Variants in FRMD6 observed in about 807,000 individuals in gnomAD.
FRMD6 encodes FERM domain-containing protein 6.
FRMD6 carries 37 observed loss-of-function variants against 73.2 expected under a neutral mutation model. That is an observed-to-expected ratio of 0.51 (90% CI 0.39 to 0.66). FRMD6 has a LOEUF of 0.66. Among genes scored for constraint, FRMD6 ranks in the 30% least tolerant of loss-of-function variants. The pLI is 0.00. For missense variants in FRMD6, 714 were observed against 780.5 expected, an observed-to-expected ratio of 0.91 and a Z score of 1.02; for synonymous variants, 273 against 282.2, an observed-to-expected ratio of 0.97 and a Z score of 0.33.
Position 51,710,629 on chromosome 14 carries a change from C to T in FRMD6, c.715-902C>T, listed in dbSNP as rs920023642. Among the ~76,000 whole-genome samples, 4 of 152,084 alleles carry T rather than the reference C, an allele frequency of 2.6e-5. No individual in the cohort carries two copies. In the East Asian group the frequency reaches 7.7e-4, roughly 29 times the overall value. ...TTATATTTATAATGCCAGGTGAGGA[C>T]ACATGTTTTAAAAATATTTCATCCC... On this transcript the variant is annotated intron_variant, in intron 7 of 13. Transcript: ENST00000344768.
chr14:51,536,624 C>A (rs911929593), intron 1 of FRMD6, among the ~76,000 whole-genome samples: 1 of 151,988 alleles, frequency 6.6e-6, no homozygotes, highest in Non-Finnish European at 1.5e-5. Flanking sequence ...ACCATGTTGG[C>A]CAGGCTGGTC....
At chr14:51,582,560 G>C (rs528936947) in intron 2 of FRMD6, among the ~76,000 whole-genome samples, 4 of 152,300 alleles carry the variant, frequency 2.6e-5, no homozygotes, top group African/African-American at 9.6e-5. Context: ...TGCTGCTGCA[G>C]TATGCACTTA....
upstream of FRMD6, among the ~76,000 whole-genome samples, chr14:51,486,406 G>A (rs1192712835): frequency 6.6e-6 from 1 of 152,178 alleles, no homozygotes; most frequent in Non-Finnish European, 1.5e-5. Context: ...AGCATTAGCA[G>A]TATGCAGTAT....
the FRMD6 span, among the ~76,000 whole-genome samples, chr14:51,421,267 T>C: frequency 6.6e-6 from 1 of 152,200 alleles, no homozygotes; most frequent in Non-Finnish European, 1.5e-5. Context: ...AAAACAGGGT[T>C]CAGGAATCTG....
At position 51,721,753 on chromosome 14, in the gene FRMD6, A is replaced by AGGAAGGAGGGAAGGAG. The variant is rs149590944; in HGVS notation, c.1361-187_1361-172dup. Among the ~76,000 whole-genome samples the AGGAAGGAGGGAAGGAG allele has an allele frequency of 1.1e-3, 125 of 108,764 alleles. 5 individuals are homozygous for AGGAAGGAGGGAAGGAG. Among genetic ancestry groups the AGGAAGGAGGGAAGGAG allele is most frequent in the African/African-American group, 3.8e-3 (110 of 28,762 alleles). The allele number at this position is 108,764 out of a possible 152,430, so 71.4% of individuals were successfully genotyped here. A position where few individuals can be genotyped will look rare whatever the true frequency, so the allele number is the denominator to read the frequency against. ...AAGGGAGGGAGGAAGGAAGGGAGGA[A>AGGAAGGAGGGAAGGAG]GGAAGGAGGGAAGGAGGGAAGGAGT... On this transcript the variant is annotated intron_variant, in intron 11 of 13. Coordinates refer to ENST00000344768, the MANE Select transcript of FRMD6 (RefSeq NM_001267046.2).
At chr14:51,418,165 A>G in the FRMD6 span, among the ~76,000 whole-genome samples, 2 of 152,188 alleles carry the variant, frequency 1.3e-5, no homozygotes, top group African/African-American at 4.8e-5. Flanking sequence ...CAGCTTGTCA[A>G]AATCATTCTC....
chr14:51,416,061 TG>T, the FRMD6 span, among the ~76,000 whole-genome samples: 1 of 152,222 alleles, frequency 6.6e-6, no homozygotes, highest in Non-Finnish European at 1.5e-5. Flanking sequence ...TTACTAGTCT[TG>T]CTAGTAATCT....
At chr14:51,397,759 G>A in the FRMD6 span, among the ~76,000 whole-genome samples, 13,907 of 152,000 alleles carry the variant, frequency 0.091, 669 homozygotes, top group Middle Eastern at 0.12. Context: ...GATGAGTTGC[G>A]GTCAAAACAC....
chr14:51,700,846 A>G (rs1896263754), intron 3 of FRMD6, among the ~76,000 whole-genome samples: 1 of 151,936 alleles, frequency 6.6e-6, no homozygotes, highest in African/African-American at 2.4e-5. Flanking sequence ...TGTGTTCTGT[A>G]TTGCAAAAGC....
chr14:51,423,734 T>A, the FRMD6 span, among the ~76,000 whole-genome samples: 1 of 152,194 alleles, frequency 6.6e-6, no homozygotes, highest in Non-Finnish European at 1.5e-5. Context: ...TTCTTTTGTA[T>A]CAGCAGAATT....
At chr14:51,701,307 G>A (rs959598422) in intron 4 of FRMD6, 148 bp downstream of exon 4, 6 of 311,094 alleles carry the variant, frequency 1.9e-5, no homozygotes, top group East Asian at 1.7e-4. Context: ...TATAGTATAT[G>A]TATAGTATAT....
chr14:51,623,880 A>G (rs991981197), intron 2 of FRMD6, among the ~76,000 whole-genome samples: 1 of 152,230 alleles, frequency 6.6e-6, no homozygotes, highest in African/African-American at 2.4e-5. Flanking sequence ...TGTCAATTAT[A>G]AGGCAAGAAC....
upstream of FRMD6, chr14:51,651,350 T>C: frequency 6.6e-6 from 1 of 152,072 alleles, no homozygotes; most frequent in Non-Finnish European, 1.5e-5. Flanking sequence ...CGAAGCCACC[T>C]CCGCCGGGGA....
At chr14:51,417,207 G>A in the FRMD6 span, among the ~76,000 whole-genome samples, 1 of 152,112 alleles carries the variant, frequency 6.6e-6, no homozygotes, top group African/African-American at 2.4e-5. Flanking sequence ...GATGTTAGCT[G>A]GTTATTTTGC....
chr14:51,648,690 G>T (rs1365554035), upstream of FRMD6, among the ~76,000 whole-genome samples: 2 of 152,130 alleles, frequency 1.3e-5, no homozygotes, highest in Non-Finnish European at 2.9e-5. Context: ...TAACTATGTT[G>T]TAACTGTTAA....
the FRMD6 span, among the ~76,000 whole-genome samples, chr14:51,428,471 G>C: frequency 6.6e-6 from 1 of 152,170 alleles, no homozygotes; most frequent in East Asian, 1.9e-4. Context: ...CCAGTCTCCA[G>C]GTTACAAGTC....
the FRMD6 span, among the ~76,000 whole-genome samples, chr14:51,451,095 T>C: frequency 6.6e-6 from 1 of 152,102 alleles, no homozygotes; most frequent in Admixed American, 6.5e-5. Flanking sequence ...GGAGATGAGA[T>C]AGAGATAGGA....
chr14:51,604,279 T>G (rs1890157970), intron 2 of FRMD6, among the ~76,000 whole-genome samples: 1 of 152,160 alleles, frequency 6.6e-6, no homozygotes, highest in South Asian at 2.1e-4. Context: ...GATTCCAAGA[T>G]GTGTAAGATA....
intron 2 of FRMD6, among the ~76,000 whole-genome samples, chr14:51,622,657 C>A (rs1448029986): frequency 1.3e-5 from 2 of 152,186 alleles, no homozygotes; most frequent in African/African-American, 4.8e-5. Context: ...CTGCTGAAGT[C>A]AGATTCCAGA....
Sources: allele counts gnomAD v4.1 joint callset (sites outside exome capture counted in the v4.1 genomes callset), GRCh38; gene constraint gnomAD v4.1.1; transcripts MANE v1.5; gene names NCBI Gene and HGNC (gene_info 2026-07-23, HGNC 2026-07-21).